Variants in MAGI3 observed in about 807,000 individuals in gnomAD.
MAGI3 encodes membrane associated guanylate kinase, WW and PDZ domain containing 3.
Under a neutral mutation model 121.8 loss-of-function variants are expected in MAGI3, and 43 were observed. That is an observed-to-expected ratio of 0.35 (90% CI 0.28 to 0.46). The LOEUF (loss-of-function observed/expected upper bound fraction) is 0.46. MAGI3 is among the 20% of genes least tolerant of loss of function. The pLI is 1.00. For missense variants in MAGI3, 1,547 were observed against 1,797.3 expected, an observed-to-expected ratio of 0.86 and a Z score of 2.52; for synonymous variants, 553 against 639.3, an observed-to-expected ratio of 0.86 and a Z score of 2.04.
chr1:113,433,894 C>T (rs1248288277), intron 1 of MAGI3, among the ~76,000 whole-genome samples: 1 of 152,220 alleles, frequency 6.6e-6, no homozygotes, highest in East Asian at 1.9e-4. Flanking sequence ...GATGTTGAGT[C>T]ACAATTTGTG....
intron 2 of MAGI3, among the ~76,000 whole-genome samples, chr1:113,549,842 G>C (rs1476352423): frequency 1.3e-5 from 2 of 152,090 alleles, no homozygotes; most frequent in African/African-American, 2.4e-5. Context: ...AACTGGGCCG[G>C]GTGCAGTGGC....
intron 17 of MAGI3, among the ~76,000 whole-genome samples, chr1:113,672,297 G>C (rs1310979705): frequency 6.6e-6 from 1 of 152,188 alleles, no homozygotes; most frequent in African/African-American, 2.4e-5. Flanking sequence ...CTGCAGGAGA[G>C]CCATTTTTCA....
chr1:113,580,481 TTGA>T, intron 2 of MAGI3, 58 bp from the exon 3 acceptor site: 1 of 1,463,956 alleles, frequency 6.8e-7, no homozygotes, highest in South Asian at 1.3e-5. Flanking sequence ...TTCTTTTACT[TTGA>T]ATATTTTGTA....
intron 1 of MAGI3, among the ~76,000 whole-genome samples, chr1:113,474,524 C>G (rs1017092440): frequency 9.2e-5 from 14 of 152,204 alleles, no homozygotes; most frequent in African/African-American, 3.4e-4. Flanking sequence ...ATAGGGAATC[C>G]TATCCCCATT....
At chr1:113,443,131 TTAG>T (rs1447826137) in intron 1 of MAGI3, among the ~76,000 whole-genome samples, 2 of 152,170 alleles carry the variant, frequency 1.3e-5, no homozygotes, top group Non-Finnish European at 1.5e-5. Flanking sequence ...AATTATTCTG[TTAG>T]TAGGAATAAT....
At chr1:113,392,923 T>C (rs1454642515) in intron 1 of MAGI3, among the ~76,000 whole-genome samples, 2 of 152,222 alleles carry the variant, frequency 1.3e-5, no homozygotes, top group African/African-American at 2.4e-5. Flanking sequence ...TCAAATCCCA[T>C]GAGTTAGTGA....
At chr1:113,596,800 CA>C (rs35702050) in intron 6 of MAGI3, among the ~76,000 whole-genome samples, 76,497 of 147,586 alleles carry the variant, frequency 0.52, 20,598 homozygotes, top group African/African-American at 0.7. Flanking sequence ...ATGAGTATAA[CA>C]AAAAAAAAAA....
chr1:113,510,965 A>G (rs1316343326), intron 1 of MAGI3, among the ~76,000 whole-genome samples: 1 of 152,194 alleles, frequency 6.6e-6, no homozygotes. Context: ...AATACATTAC[A>G]TTACAGTTAA....
Position 113,641,893 on chromosome 1 carries a change from A to T in MAGI3, c.1361-18A>T, listed in dbSNP as rs777449565. 2 of 1,538,850 alleles carry T rather than the reference A, an allele frequency of 1.3e-6. No individual in the cohort carries two copies. The highest frequency in any genetic ancestry group is 2.3e-5 in the East Asian group (1 of 43,648). ...ATTTGTTGATTTTAATATTTTTAACATGATTATGTTTTTCCAGGCGATGTT... is the reference window on the plus strand; with the variant it reads ...ATTTGTTGATTTTAATATTTTTAACTTGATTATGTTTTTCCAGGCGATGTT... On this transcript the variant is annotated intron_variant, in intron 9 of 20. Transcript: ENST00000307546.
intron 1 of MAGI3, among the ~76,000 whole-genome samples, chr1:113,509,374 C>CT (rs796238215): frequency 2.0e-3 from 205 of 100,330 alleles, no homozygotes; most frequent in African/African-American, 7.0e-3. Context: ...TTTTTGTTTT[C>CT]TTTTTCCCAA....
intron 6 of MAGI3, among the ~76,000 whole-genome samples, chr1:113,598,078 G>C (rs934440020): frequency 6.6e-6 from 1 of 152,072 alleles, no homozygotes; most frequent in African/African-American, 2.4e-5. Context: ...CAGACATGGT[G>C]GTGGGCACCT....
In MAGI3 at chr1:113,511,180, G is replaced by A. The variant is rs186029501; in HGVS notation, c.317-38335G>A. On this transcript the variant is annotated intron_variant, in intron 1 of 20. Coordinates refer to ENST00000307546, the MANE Select transcript of MAGI3 (RefSeq NM_001142782.2). Reference sequence around the variant, plus strand: ...TGTTTGAACTGTAAAAGTGTCTAAGGAATATAGTACCTTTTTCCCCTATCA... The same window carrying A: ...TGTTTGAACTGTAAAAGTGTCTAAGAAATATAGTACCTTTTTCCCCTATCA... 2.5e-3 allele frequency among the ~76,000 whole-genome samples: 376 copies of A among 152,286 alleles called. 1 individual carries two copies. The highest frequency in any genetic ancestry group is 0.02 in the Middle Eastern group (6 of 294).
At chr1:113,672,230 T>C (rs1647601310) in intron 17 of MAGI3, among the ~76,000 whole-genome samples, 1 of 152,256 alleles carries the variant, frequency 6.6e-6, no homozygotes, top group East Asian at 1.9e-4. Flanking sequence ...CTGTCTTCTT[T>C]CATTGAAAAT....
At chr1:113,585,271 TG>T in intron 3 of MAGI3, 115 bp from the exon 4 acceptor site, 1 of 899,728 alleles carries the variant, frequency 1.1e-6, no homozygotes, top group Non-Finnish European at 1.7e-6. Context: ...CCCACCCCTA[TG>T]GTAGATATTT....
At chr1:113,418,021 A>G (rs1219286212) in intron 1 of MAGI3, among the ~76,000 whole-genome samples, 1 of 151,620 alleles carries the variant, frequency 6.6e-6, no homozygotes, top group East Asian at 1.9e-4. Context: ...TTTCATATTC[A>G]CTTCCTTGTC....
At chr1:113,631,617 A>G (rs2101803430) in intron 9 of MAGI3, among the ~76,000 whole-genome samples, 1 of 152,302 alleles carries the variant, frequency 6.6e-6, no homozygotes, top group African/African-American at 2.4e-5. Context: ...TTGAATTATA[A>G]AGGATACTTT....
chr1:113,534,086 T>C (rs56092022), intron 1 of MAGI3, among the ~76,000 whole-genome samples: 10,204 of 152,256 alleles, frequency 0.067, 381 homozygotes, highest in African/African-American at 0.075. Context: ...TTCTTATGTT[T>C]AGTATGTTTC....
Position 113,683,451 on chromosome 1 carries a change from A to G in MAGI3, c.3883A>G (p.Ile1295Val). 6.2e-7 allele frequency: 1 copy of G among 1,614,038 alleles called. No homozygotes were observed. The highest frequency in any genetic ancestry group is 8.5e-7 in the Non-Finnish European group (1 of 1,179,902). ...RSASPKKQQK[I>V]EGSKAPSNAE... The stretch of plus-strand genomic sequence containing the variant: ...GGCCAGCCCAAAAAAGCAGCAAAAA[A>G]TTGAAGGAAGCAAAGCTCCATCAAA... The change falls in exon 21 of 21, where the codon ATT becomes GTT. Residue 1295 changes from isoleucine (I) to valine (V), a missense_variant. Coordinates refer to ENST00000307546, the MANE Select transcript of MAGI3 (RefSeq NM_001142782.2).
At chr1:113,512,405 T>G (rs1027268289) in intron 1 of MAGI3, among the ~76,000 whole-genome samples, 3 of 152,184 alleles carry the variant, frequency 2.0e-5, no homozygotes, top group African/African-American at 7.2e-5. Context: ...TATTTGAAAA[T>G]TAGAGGGAGA....
Sources: gnomAD v4.1 joint callset for allele counts (sites outside exome capture counted in the v4.1 genomes callset) on GRCh38, gnomAD v4.1.1 for gene constraint, MANE v1.5 for transcripts, NCBI Gene and HGNC (gene_info 2026-07-23, HGNC 2026-07-21) for gene names.